GOLGA8R: variants seen among roughly 807,000 people sequenced by gnomAD.
The protein encoded by GOLGA8R is golgin subfamily A member 8R.
GOLGA8R carries 6 observed loss-of-function variants against 21.4 expected under a neutral mutation model. The ratio of observed to expected loss-of-function variants is 0.28; its 90% CI spans 0.15 to 0.55. The LOEUF is 0.55. Ranked by LOEUF, GOLGA8R falls within the 20% of genes least tolerant of loss-of-function variation. The pLI is 0.94. For missense variants in GOLGA8R, 41 were observed against 139.9 expected (o/e 0.29, Z 3.57); for synonymous variants, 8 against 49.3 (o/e 0.16, Z 3.51).
rs762461449 is a variant in GOLGA8R, at chr15:30,407,988, C to T, written c.791G>A (p.Cys264Tyr). ...QRMSKMSQEICTLKKEKQDMR... is the reference protein window; with the variant it reads ...QRMSKMSQEIYTLKKEKQDMR... Reference sequence around the variant, plus strand: ...ATCCTGCTTCTCTTTCTTTAATGTGCAAATCTGCCCAAAGCACAGGGGGAA... The same window carrying T: ...ATCCTGCTTCTCTTTCTTTAATGTGTAAATCTGCCCAAAGCACAGGGGGAA... The change falls in exon 11 of 19, where the codon TGC (cysteine) becomes TAC (tyrosine). Residue 264 changes from cysteine (C) to tyrosine (Y), a missense_variant. By Grantham distance (194) the Cys-to-Tyr change is radical. Coordinates refer to ENST00000327271, the MANE Select transcript of GOLGA8R (RefSeq NM_001282484.1). 5.6e-6 allele frequency: 9 copies of T among 1,612,856 alleles called. No homozygotes were observed. The highest frequency in any genetic ancestry group is 2.2e-5 in the East Asian group (1 of 44,886).
chr15:30,407,744 C>T (rs2059094983), intron 11 of GOLGA8R, among the ~76,000 whole-genome samples, 164 bp downstream of exon 11: 2 of 152,284 alleles, frequency 1.3e-5, no homozygotes, highest in African/African-American at 2.4e-5. Flanking sequence ...GACACTGAGA[C>T]ACTGAGACTC....
Position 30,407,979 on chromosome 15 carries a change from T to C in GOLGA8R, c.800A>G (p.Lys267Arg), listed in dbSNP as rs2059100081. The C allele has an allele frequency of 1.9e-6, 3 of 1,612,052 alleles. No homozygotes were observed. The highest frequency in any genetic ancestry group is 1.3e-5 in the African/African-American group (1 of 74,748). ...SKMSQEICTL[K>R]KEKQDMRWVE... is the part of the protein sequence containing the mutation. ...CCAACGCATATCCTGCTTCTCTTTC[T>C]TTAATGTGCAAATCTGCCCAAAGCA... The change falls in exon 11 of 19, where the codon AAG (lysine) becomes AGG (arginine). Residue 267 changes from lysine (K) to arginine (R), a missense_variant. By Grantham distance (26) the Lys-to-Arg change is conservative. Around this residue, in one of 3 missense-constraint regions of GOLGA8R, gnomAD observed 38 missense variants for 32.6 expected, o/e 1.17. Coordinates refer to ENST00000327271, the MANE Select transcript of GOLGA8R (RefSeq NM_001282484.1).
Position 30,400,956 on chromosome 15 carries a change from A to AT in GOLGA8R, c.*2783dup, listed in dbSNP as rs1179220645. Reference sequence around the variant, plus strand: ...AAAATCAGCTTTGGTTTTAGAGCTGATTTTTTTTTTCATTTCTGGAAAATT... The same window carrying AT: ...AAAATCAGCTTTGGTTTTAGAGCTGATTTTTTTTTTTCATTTCTGGAAAATT... On this transcript the variant is annotated 3_prime_UTR_variant, in exon 19 of 19. Transcript: ENST00000327271. Among the ~76,000 whole-genome samples the AT allele has an allele frequency of 3.2e-3, 186 of 57,836 alleles. 20 individuals carry two copies. The highest frequency in any genetic ancestry group is 9.0e-3 in the African/African-American group (174 of 19,274). The allele number at this position is 57,836 out of a possible 152,430, so 37.9% of individuals were successfully genotyped here.
intron 11 of GOLGA8R, 40 bp downstream of exon 11, chr15:30,407,868 A>T (rs1208679669): frequency 6.3e-7 from 1 of 1,597,412 alleles, no homozygotes; most frequent in Non-Finnish European, 8.6e-7. Flanking sequence ...CAGCCCTCTG[A>T]TGCCAGTCCT....
chr15:30,402,972 G>A lies in GOLGA8R; in HGVS notation c.*768C>T, dbSNP rs79880518. Among the ~76,000 whole-genome samples, 10 of 130,714 alleles carry A rather than the reference G, an allele frequency of 7.7e-5. 1 individual carries two copies. The highest frequency in any genetic ancestry group is 2.8e-4 in the South Asian group (1 of 3,612). 85.8% of individuals were successfully genotyped at this position (130,714 alleles called of 152,430 possible). A position where few individuals can be genotyped will look rare whatever the true frequency, so the allele number is the denominator to read the frequency against. The stretch of plus-strand genomic sequence containing the variant: ...TGCAACTGCTGCAGCTCATGATGCA[G>A]TATCTTCATGAGCCCAGAGCACATA... On this transcript the variant is annotated 3_prime_UTR_variant, in exon 19 of 19. Transcript: ENST00000327271.
Position 30,404,353 on chromosome 15 carries a change from C to T in GOLGA8R, c.1467-4G>A, listed in dbSNP as rs4102149. 24 of 28,690 alleles carry T rather than the reference C, an allele frequency of 8.4e-4. 2 individuals are homozygous for T. The highest frequency in any genetic ancestry group is 0.01 in the Middle Eastern group (2 of 192). The allele number at this position is 28,690 out of a possible 1,614,324, so 1.8% of individuals were successfully genotyped here. ...TGATAAAAGGTGATGGATTTTCCTG[C>T]GGGAGGACAGGGCTCAGACGCTGGG... On this transcript the variant is annotated splice_polypyrimidine_tract_variant and splice_region_variant and intron_variant, in intron 16 of 18. Coordinates refer to ENST00000327271, the MANE Select transcript of GOLGA8R (RefSeq NM_001282484.1).
chr15:30,402,964 A>T lies in GOLGA8R; in HGVS notation c.*776T>A, dbSNP rs1215198448. On this transcript the variant is annotated 3_prime_UTR_variant, in exon 19 of 19. Coordinates refer to ENST00000327271, the MANE Select transcript of GOLGA8R (RefSeq NM_001282484.1). ...AAAAAGAGTGCAACTGCTGCAGCTCATGATGCAGTATCTTCATGAGCCCAG... is the reference window on the plus strand; with the variant it reads ...AAAAAGAGTGCAACTGCTGCAGCTCTTGATGCAGTATCTTCATGAGCCCAG... Among the ~76,000 whole-genome samples the T allele has an allele frequency of 1.5e-5, 2 of 130,344 alleles. No individual in the cohort carries two copies. The highest frequency in any genetic ancestry group is 3.3e-5 in the Non-Finnish European group (2 of 59,934). 85.5% of individuals were successfully genotyped at this position (130,344 alleles called of 152,430 possible). A position where few individuals can be genotyped will look rare whatever the true frequency, so the allele number is the denominator to read the frequency against.
chr15:30,408,414 CG>C lies in GOLGA8R; in HGVS notation c.665del (p.Ala222GlyfsTer3). The C allele has an allele frequency of 1.9e-6, 1 of 536,016 alleles. No individual in the cohort carries two copies. The highest frequency in any genetic ancestry group is 4.0e-5 in the Admixed American group (1 of 25,160). The allele number at this position is 536,016 out of a possible 1,614,324, so 33.2% of individuals were successfully genotyped here. ...CGGAAAACCTCACCTGTGTCAGCTG[CG>C]CTTTCAGCAGTGCCTGGTCCTGTAG... ...QSLQDQALLK[A>X]QLTQLKESFQ... On this transcript the variant is annotated frameshift_variant, in exon 9 of 19. Coordinates refer to ENST00000327271, the MANE Select transcript of GOLGA8R (RefSeq NM_001282484.1). LOFTEE classifies it high-confidence loss of function.
At position 30,412,371 on chromosome 15, in the gene GOLGA8R, G is replaced by T; in HGVS notation, c.126C>A (p.Ile42=). The change falls in exon 2 of 19, where the codon ATC becomes ATA. Residue 42 remains isoleucine (I), a synonymous_variant. Coordinates refer to ENST00000327271, the MANE Select transcript of GOLGA8R (RefSeq NM_001282484.1). ...AACCACCGGAAGTGGCTGTCTCAGG[G>T]ATACTGCCATTTGTTTTCCTGTTCC... The part of the protein sequence containing the change: ...VNRNRKTNGS[I]PETATSGGCQ... 1 of 69,456 alleles carries T rather than the reference G, an allele frequency of 1.4e-5. No homozygotes were observed. Among genetic ancestry groups the T allele is most frequent in the South Asian group, 9.5e-5 (1 of 10,472 alleles). The allele number at this position is 69,456 out of a possible 1,614,324, so 4.3% of individuals were successfully genotyped here.
Position 30,408,197 on chromosome 15 carries a change from CAT to C in GOLGA8R, c.775_776del (p.Met259ValfsTer33), listed in dbSNP as rs1336705452. ...RARWHQRMSKMSQEICTLKKE... is the reference protein window; with the variant it reads ...RARWHQRMSKXSQEICTLKKE... ...AAGGGTCAGATCTCACCTCCTGCGA[CAT>C]TTTACTCATCCTCTGATGCCACCGG... On this transcript the variant is annotated frameshift_variant, in exon 10 of 19. Transcript: ENST00000327271. LOFTEE classifies it high-confidence loss of function. 1.2e-6 allele frequency: 1 copy of C among 824,948 alleles called. No individual in the cohort carries two copies. The highest frequency in any genetic ancestry group is 1.7e-5 in the African/African-American group (1 of 59,098). 51.1% of individuals were successfully genotyped at this position (824,948 alleles called of 1,614,324 possible).
chr15:30,402,887 T>G lies in GOLGA8R; in HGVS notation c.*853A>C, dbSNP rs1327524332. ...TAGGAAAGGTTTTCCACATCCACAG[T>G]CAACGATGGGAACCTTTCATTCCTC... On this transcript the variant is annotated 3_prime_UTR_variant, in exon 19 of 19. Transcript: ENST00000327271. 8.6e-6 allele frequency among the ~76,000 whole-genome samples: 1 copy of G among 115,818 alleles called. No individual in the cohort carries two copies. The highest frequency in any genetic ancestry group is 1.8e-5 in the Non-Finnish European group (1 of 54,292). 76.0% of individuals were successfully genotyped at this position (115,818 alleles called of 152,430 possible). A position where few individuals can be genotyped will look rare whatever the true frequency, so the allele number is the denominator to read the frequency against.
chr15:30,411,973 G>C (rs1239572385), intron 2 of GOLGA8R: 1 of 145,616 alleles, frequency 6.9e-6, no homozygotes, highest in South Asian at 8.0e-5. Flanking sequence ...AGGCTGGAGT[G>C]CGGTGGCATA....
In GOLGA8R at chr15:30,407,958, C is replaced by T. The variant is rs751390293; in HGVS notation, c.821G>A (p.Arg274His). Residue 274 changes from arginine (R) to histidine (H), a missense_variant, in exon 11 of 19, where the codon CGT becomes CAT. Physicochemically the swap from Arg to His is conservative, Grantham distance 29. This residue lies in a region of GOLGA8R where 38 missense variants were observed against 32.6 expected (regional missense o/e 1.17). Coordinates refer to ENST00000327271, the MANE Select transcript of GOLGA8R (RefSeq NM_001282484.1). Reference sequence around the variant, plus strand: ...GCTCCACTCCAGCTGCTCTACCCAACGCATATCCTGCTTCTCTTTCTTTAA... The same window carrying T: ...GCTCCACTCCAGCTGCTCTACCCAATGCATATCCTGCTTCTCTTTCTTTAA... ...CTLKKEKQDM[R>H]WVEQLEWSLS... The T allele has an allele frequency of 8.0e-5, 128 of 1,592,894 alleles. No individual in the cohort carries two copies. The highest frequency in any genetic ancestry group is 3.0e-4 in the South Asian group (27 of 90,674).
rs2059057773 is a variant in GOLGA8R, at chr15:30,403,205, C to G, written c.*535G>C. Among the ~76,000 whole-genome samples, 1 of 79,210 alleles carries G rather than the reference C, an allele frequency of 1.3e-5. No homozygotes were observed. Among genetic ancestry groups the G allele is most frequent in the Non-Finnish European group, 2.7e-5 (1 of 37,650 alleles). The allele number at this position is 79,210 out of a possible 152,430, so 52.0% of individuals were successfully genotyped here. A position where few individuals can be genotyped will look rare whatever the true frequency, so the allele number is the denominator to read the frequency against. On this transcript the variant is annotated 3_prime_UTR_variant, in exon 19 of 19. Coordinates refer to ENST00000327271, the MANE Select transcript of GOLGA8R (RefSeq NM_001282484.1). ...TCCAATTCTTGGCCTTTAAACAACT[C>G]TAAATGTCAGTACTCATAGTGGCGT...
Position 30,403,236 on chromosome 15 carries a change from A to T in GOLGA8R, c.*504T>A, listed in dbSNP as rs1165451392. Among the ~76,000 whole-genome samples the T allele has an allele frequency of 1.4e-5, 1 of 69,994 alleles. No individual in the cohort carries two copies. Among genetic ancestry groups the T allele is most frequent in the Admixed American group, 1.6e-4 (1 of 6,380 alleles). The allele number at this position is 69,994 out of a possible 152,430, so 45.9% of individuals were successfully genotyped here. A position where few individuals can be genotyped will look rare whatever the true frequency, so the allele number is the denominator to read the frequency against. On this transcript the variant is annotated 3_prime_UTR_variant, in exon 19 of 19. Transcript: ENST00000327271. ...GTCAGTACTCATAGTGGCGTATTAC[A>T]AAGTAATAAACAGTGCACACTTGGG...
intron 17 of GOLGA8R, 41 bp downstream of exon 17, chr15:30,404,208 ACCC>A: frequency 6.4e-3 from 8 of 1,248 alleles, no homozygotes; most frequent in South Asian, 9.8e-3. Context: ...CCACCCTCAC[ACCC>A]ACCCCCACCC....
rs768162037 is a variant in GOLGA8R, at chr15:30,407,940, T to G, written c.839A>C (p.Glu280Ala). ...KQDMRWVEQL[E>A]WSLSKLKNQT... ...GTTTTTGAGTTTGGACAAGCTCCAC[T>G]CCAGCTGCTCTACCCAACGCATATC... Residue 280 changes from glutamate (E) to alanine (A), a missense_variant, in exon 11 of 19, where the codon GAG (glutamate) becomes GCG (alanine). Transcript: ENST00000327271. 2 of 1,609,738 alleles carry G rather than the reference T, an allele frequency of 1.2e-6. No homozygotes were observed. The highest frequency in any genetic ancestry group is 2.2e-5 in the South Asian group (2 of 91,010).
chr15:30,411,926 T>G (rs1288664363), intron 2 of GOLGA8R: 1 of 144,628 alleles, frequency 6.9e-6, no homozygotes, highest in Non-Finnish European at 1.3e-5. Context: ...CCAGAATTCC[T>G]TTTTTTTTTT....
At chr15:30,407,804 G>T in intron 11 of GOLGA8R, 104 bp downstream of exon 11, 2 of 1,577,804 alleles carry the variant, frequency 1.3e-6, no homozygotes, top group South Asian at 1.1e-5. Context: ...CTTTCCCTCT[G>T]CCTCAAAGCC....
Sources: allele counts gnomAD v4.1 joint callset (sites outside exome capture counted in the v4.1 genomes callset), GRCh38; gene constraint gnomAD v4.1.1; regional missense constraint gnomAD v4.1.1; transcripts MANE v1.5; gene names NCBI Gene and HGNC (gene_info 2026-07-23, HGNC 2026-07-21).